IQSEC2: variants seen among roughly 807,000 people sequenced by gnomAD.
IQSEC2 encodes IQ motif and Sec7 domain ArfGEF 2, also known as IQ motif and SEC7 domain-containing protein 2.
IQSEC2 carries 6 observed loss-of-function variants against 74.6 expected under a neutral mutation model. The observed-to-expected ratio is 0.08, with a 90% confidence interval of 0.04 to 0.16. The LOEUF (loss-of-function observed/expected upper bound fraction) is 0.16. Ranked by LOEUF, IQSEC2 falls within the 10% of genes least tolerant of loss-of-function variation. The pLI is 1.00. For synonymous variants in IQSEC2, 494 were observed against 544.5 expected (o/e 0.91, Z 1.29); for missense variants, 734 against 1,306.2 (o/e 0.56, Z 6.75).
chrX:53,285,470 C>T (rs782654825), intron 2 of IQSEC2, among the ~76,000 whole-genome samples: 2 of 112,406 alleles, frequency 1.8e-5, no homozygotes, highest in South Asian at 7.2e-4. Context: ...TTTCAGTTTC[C>T]CCACCTGTAA....
chrX:53,295,714 A>G (rs1052163875), intron 1 of IQSEC2, among the ~76,000 whole-genome samples: 7 of 110,290 alleles, frequency 6.3e-5, no homozygotes, highest in South Asian at 3.9e-4. Flanking sequence ...AAGACAGAGC[A>G]GAATGACTGA....
rs782029431 is a variant in IQSEC2 at position 53,234,939 on chromosome X, A to G, written c.3747T>C (p.His1249=). The part of the protein sequence containing the change: ...HHHHHHHHHG[H]SHGGLGVLPD... The stretch of plus-strand genomic sequence containing the variant: ...GCAGCACCCCCAGGCCACCGTGGCT[A>G]TGGCCATGATGGTGGTGGTGGTGGT... Residue 1249 remains histidine (H), a synonymous_variant, in exon 15 of 15, where the codon CAT becomes CAC. Coordinates refer to ENST00000642864, the MANE Select transcript of IQSEC2 (RefSeq NM_001111125.3). 2 of 1,142,454 alleles carry G rather than the reference A, an allele frequency of 1.8e-6. No homozygotes were observed. Among genetic ancestry groups the G allele is most frequent in the South Asian group, 3.8e-5 (2 of 52,176 alleles). The allele number at this position is 1,142,454 out of a possible 1,213,427, so 94.2% of individuals were successfully genotyped here. A position where few individuals can be genotyped will look rare whatever the true frequency, so the allele number is the denominator to read the frequency against.
At chrX:53,235,490 A>G (rs1453927107) in intron 14 of IQSEC2, among the ~76,000 whole-genome samples, 1 of 111,302 alleles carries the variant, frequency 9.0e-6, no homozygotes, top group Non-Finnish European at 1.9e-5. Context: ...CCCAGGGTCA[A>G]AGAGCAGGAC....
At chrX:53,292,238 G>C (rs1320857244) in intron 1 of IQSEC2, among the ~76,000 whole-genome samples, 1 of 111,857 alleles carries the variant, frequency 8.9e-6, no homozygotes, top group Non-Finnish European at 1.9e-5. Context: ...TCACAGTGAG[G>C]AGCGTGGCTT....
chrX:53,240,793 T>G (rs942800033), intron 10 of IQSEC2, among the ~76,000 whole-genome samples: 2 of 108,842 alleles, frequency 1.8e-5, no homozygotes, highest in Non-Finnish European at 3.8e-5. Flanking sequence ...TTTTTTTTTT[T>G]GAGACAGAGT....
Position 53,242,045 on chromosome X carries a change from T to C in IQSEC2, c.2890-136A>G, listed in dbSNP as rs1305981970. On this transcript the variant is annotated intron_variant, in intron 9 of 14. Coordinates refer to ENST00000642864, the MANE Select transcript of IQSEC2 (RefSeq NM_001111125.3). ...CTCTGACACAAGGGGTATCAGCAAC[T>C]AAGACCTAAACTTATCTGCTACCTT... is the stretch of plus-strand genomic sequence containing the variant. 6 of 760,082 alleles carry C rather than the reference T, an allele frequency of 7.9e-6. No individual in the cohort carries two copies. The Admixed American group carries it at 1.6e-4, about 20-fold the overall frequency. 62.6% of individuals were successfully genotyped at this position (760,082 alleles called of 1,213,427 possible).
intron 2 of IQSEC2, chrX:53,266,632 T>G: frequency 1.2e-6 from 1 of 828,766 alleles, no homozygotes; most frequent in Non-Finnish European, 1.5e-6. Flanking sequence ...TCTCCAGTAG[T>G]GGCAGGCTCC....
intron 8 of IQSEC2, among the ~76,000 whole-genome samples, chrX:53,246,753 C>G (rs1041443018): frequency 3.6e-5 from 4 of 111,876 alleles, no homozygotes; most frequent in Admixed American, 9.5e-5. Flanking sequence ...ACCCCAGGAC[C>G]TAGAAACCTG....
intron 1 of IQSEC2, among the ~76,000 whole-genome samples, chrX:53,311,121 C>CA (rs56198617): frequency 4.6e-4 from 10 of 21,566 alleles, no homozygotes; most frequent in Admixed American, 1.1e-3. Context: ...GACTCCATCT[C>CA]AAAAAAAAAA....
At chrX:53,245,706 T>C (rs1350334277) in intron 8 of IQSEC2, among the ~76,000 whole-genome samples, 1 of 110,593 alleles carries the variant, frequency 9.0e-6, no homozygotes, top group African/African-American at 3.3e-5. Context: ...TGCTCTTTGG[T>C]GATAGGCAGG....
At position 53,247,279 on chromosome X, in the gene IQSEC2, A is replaced by G. The variant is rs1200984206; in HGVS notation, c.2583-144T>C. On this transcript the variant is annotated intron_variant, in intron 7 of 14. Coordinates refer to ENST00000642864, the MANE Select transcript of IQSEC2 (RefSeq NM_001111125.3). ...GTCTGTCCTCTTCAGAGCTTCCCCT[A>G]GACCAGCATGTAAAAATCACAATCG... 4 of 529,891 alleles carry G rather than the reference A, an allele frequency of 7.5e-6. No individual in the cohort carries two copies. In the Admixed American group the frequency reaches 9.6e-5, roughly 13 times the overall value. The allele number at this position is 529,891 out of a possible 1,213,427, so 43.7% of individuals were successfully genotyped here.
At chrX:53,244,023 T>C (rs1191291645) in intron 8 of IQSEC2, among the ~76,000 whole-genome samples, 1 of 108,223 alleles carries the variant, frequency 9.2e-6, no homozygotes, top group Admixed American at 9.8e-5. Context: ...ATCAAGACCA[T>C]CCTGGCCAAC....
chrX:53,243,591 T>C, intron 8 of IQSEC2, 120 bp from the exon 9 acceptor site: 4 of 976,212 alleles, frequency 4.1e-6, no homozygotes, highest in Non-Finnish European at 5.3e-6. Flanking sequence ...GGTCAATGGG[T>C]ACCCTCGGCC....
At chrX:53,244,279 C>G (rs1556861582) in intron 8 of IQSEC2, among the ~76,000 whole-genome samples, 1 of 109,336 alleles carries the variant, frequency 9.1e-6, no homozygotes, top group Admixed American at 9.8e-5. Flanking sequence ...AATCCCAGCA[C>G]TTTGGGAGGC....
At chrX:53,306,952 A>G (rs1211345215) in intron 1 of IQSEC2, among the ~76,000 whole-genome samples, 1 of 111,185 alleles carries the variant, frequency 9.0e-6, no homozygotes, top group Non-Finnish European at 1.9e-5. Context: ...GGCACTGGAC[A>G]CAGGGATAAA....
At chrX:53,275,983 G>C (rs2074827901) in intron 2 of IQSEC2, among the ~76,000 whole-genome samples, 1 of 110,303 alleles carries the variant, frequency 9.1e-6, no homozygotes, top group African/African-American at 3.3e-5. Context: ...TTACAGGCGT[G>C]AGCCACCACG....
intron 1 of IQSEC2, among the ~76,000 whole-genome samples, chrX:53,307,762 G>A (rs1163068592): frequency 9.3e-6 from 1 of 107,099 alleles, no homozygotes. Context: ...AATTAGCCAG[G>A]CGTGGCAGTG....
At chrX:53,286,810 C>T (rs1556871830) in intron 2 of IQSEC2, among the ~76,000 whole-genome samples, 1 of 109,454 alleles carries the variant, frequency 9.1e-6, no homozygotes, top group Non-Finnish European at 1.9e-5. Context: ...TGTGGTGGCA[C>T]ACGCCTGTAG....
intron 2 of IQSEC2, among the ~76,000 whole-genome samples, chrX:53,286,958 G>A (rs5978152): frequency 5.9e-4 from 46 of 78,138 alleles, no homozygotes; most frequent in Non-Finnish European, 8.6e-4. Context: ...AAAAAAAAAA[G>A]AAAAAGAAAA....
Sources: gnomAD v4.1 joint callset for allele counts (sites outside exome capture counted in the v4.1 genomes callset) on GRCh38, gnomAD v4.1.1 for gene constraint, MANE v1.5 for transcripts, NCBI Gene and HGNC (gene_info 2026-07-23, HGNC 2026-07-21) for gene names.